PTCH1: variants seen among roughly 807,000 people sequenced by gnomAD.
PTCH1 encodes the protein protein patched homolog 1.
A neutral mutation model predicts 144.6 loss-of-function variants in PTCH1; 14 were observed. That is an observed-to-expected ratio of 0.10 (90% CI 0.06 to 0.15). PTCH1 has a LOEUF of 0.15. Among genes scored for constraint, PTCH1 ranks in the 10% least tolerant of loss-of-function variants. PTCH1 has a pLI of 1.00. For missense variants in PTCH1, 1,623 were observed against 1,948.3 expected (o/e 0.83, Z 3.14); for synonymous variants, 833 against 793.6 (o/e 1.05, Z -0.83).
chr9:95,503,043 C>T (rs1418689353), intron 2 of PTCH1, among the ~76,000 whole-genome samples: 1 of 152,210 alleles, frequency 6.6e-6, no homozygotes, highest in Admixed American at 6.5e-5. Context: ...TATCCCTCAG[C>T]ATCCCTCTCC....
Position 95,479,037 on chromosome 9 carries a change from G to A in PTCH1, c.1178C>T (p.Ala393Val), listed in dbSNP as rs202020837. ...SHINWNEDKA[A>V]AILEAWQRTY... ...CCTCTGCCAGGCCTCCAGGATGGCT[G>A]CCGCTTTGTCCTCGTTCCAGTTGAT... Residue 393 changes from alanine (A) to valine (V), a missense_variant, in exon 8 of 24, where the codon GCA becomes GTA. Transcript: ENST00000331920. 1.9e-6 allele frequency: 3 copies of A among 1,614,220 alleles called. No homozygotes were observed. Among genetic ancestry groups the A allele is most frequent in the African/African-American group, 2.7e-5 (2 of 75,056 alleles).
intron 8 of PTCH1, 137 bp from the exon 9 acceptor site, chr9:95,478,323 A>G: frequency 7.5e-7 from 1 of 1,331,698 alleles, no homozygotes; most frequent in East Asian, 2.4e-5. Context: ...ACGTGATTCC[A>G]GGGCAGGGAG....
At position 95,443,719 on chromosome 9, in the gene PTCH1, G is replaced by A. The variant is rs896450701; in HGVS notation, c.*2674C>T. Reference sequence around the variant, plus strand: ...ATAAATTCTTTAAAAATATACTTCTGTCAAAAGACTTGATGACTACTATGT... The same window carrying A: ...ATAAATTCTTTAAAAATATACTTCTATCAAAAGACTTGATGACTACTATGT... On this transcript the variant is annotated 3_prime_UTR_variant, in exon 24 of 24. Transcript: ENST00000331920. 3.3e-5 allele frequency: 5 copies of A among 152,504 alleles called. No individual in the cohort carries two copies. The highest frequency in any genetic ancestry group is 1.2e-4 in the African/African-American group (5 of 41,394). 9.4% of individuals were successfully genotyped at this position (152,504 alleles called of 1,614,324 possible). A position where few individuals can be genotyped will look rare whatever the true frequency, so the allele number is the denominator to read the frequency against.
chr9:95,486,037 A>C (rs1472257100), intron 2 of PTCH1, among the ~76,000 whole-genome samples, 163 bp from the exon 3 acceptor site: 1 of 152,206 alleles, frequency 6.6e-6, no homozygotes, highest in African/African-American at 2.4e-5. Context: ...GGCAATGTTA[A>C]CTTCACCAAT....
chr9:95,463,377 G>A (rs1042570213), intron 15 of PTCH1, among the ~76,000 whole-genome samples: 1 of 152,088 alleles, frequency 6.6e-6, no homozygotes, highest in African/African-American at 2.4e-5. Context: ...GAGGGGAGAC[G>A]GGACAGGAGA....
intron 1 of PTCH1, among the ~76,000 whole-genome samples, chr9:95,516,269 C>T (rs1176529741): frequency 6.8e-6 from 1 of 146,726 alleles, no homozygotes; most frequent in Non-Finnish European, 1.5e-5. Context: ...GGCGCGGGAC[C>T]CGCGCTCCCG....
chr9:95,463,133 T>A (rs933224828), intron 15 of PTCH1, among the ~76,000 whole-genome samples: 2 of 151,906 alleles, frequency 1.3e-5, no homozygotes, highest in Admixed American at 6.5e-5. Flanking sequence ...AGCGTTTATT[T>A]CATTTCGGGA....
intron 15 of PTCH1, among the ~76,000 whole-genome samples, chr9:95,465,230 T>C (rs1839895974): frequency 6.6e-6 from 1 of 152,146 alleles, no homozygotes; most frequent in African/African-American, 2.4e-5. Context: ...CTGCCTAACA[T>C]GCCACATTGA....
rs1805154 is a variant in PTCH1, at chr9:95,481,960, T to C, written c.735A>G (p.Thr245=). 48,728 of 1,610,610 alleles carry C rather than the reference T, an allele frequency of 0.03. 953 individuals are homozygous for C. The highest frequency in any genetic ancestry group is 0.036 in the Non-Finnish European group (42,593 of 1,176,760). The part of the protein sequence containing the change: ...FWEGAKLQSG[T]AYLLGKPPLR... ...GATCACACACTTACAGGAGGTATGC[T>C]GTCCCAGACTGTAATTTCGCCCCTT... The change falls in exon 5 of 24, where the codon ACA becomes ACG. Residue 245 remains threonine (T), a synonymous_variant. Transcript: ENST00000331920.
At chr9:95,464,566 T>C (rs896419168) in intron 15 of PTCH1, among the ~76,000 whole-genome samples, 1 of 152,188 alleles carries the variant, frequency 6.6e-6, no homozygotes, top group Non-Finnish European at 1.5e-5. Flanking sequence ...CAGTGTGAAA[T>C]AAAAATGAAC....
chr9:95,474,198 C>A, intron 12 of PTCH1: 2 of 364,946 alleles, frequency 5.5e-6, no homozygotes, highest in East Asian at 7.5e-5. Context: ...GGAGTATGAG[C>A]AGATACAGAA....
In PTCH1 at chr9:95,482,130, A is replaced by G. The variant is rs758839801; in HGVS notation, c.654+4T>C. On this transcript the variant is annotated splice_donor_region_variant and intron_variant, in intron 4 of 23. Coordinates refer to ENST00000331920, the MANE Select transcript of PTCH1 (RefSeq NM_000264.5). ...AAATTTTTGCCAACAAGAAGAAAAT[A>G]TACCTGATCCATGTAACCTGTTTCT... is the stretch of plus-strand genomic sequence containing the variant. The G allele has an allele frequency of 5.6e-6, 9 of 1,614,096 alleles. No homozygotes were observed. Among genetic ancestry groups the G allele is most frequent in the Non-Finnish European group, 7.6e-6 (9 of 1,179,932 alleles).
chr9:95,502,952 G>A (rs1269531049), intron 2 of PTCH1, among the ~76,000 whole-genome samples: 1 of 152,114 alleles, frequency 6.6e-6, no homozygotes, highest in Non-Finnish European at 1.5e-5. Context: ...GCAGATAGGA[G>A]GATATGCAGA....
At position 95,509,190 on chromosome 9, in the gene PTCH1, A is replaced by G. The variant is rs890604230; in HGVS notation, c.-829T>C. ...AGCGGCCGCAGCAGCTCCTTGATTC[A>G]ATAGATGAGATGGAAGAAGAAAAAA... On this transcript the variant is annotated 5_prime_UTR_variant, in exon 1 of 24. Transcript: ENST00000331920. Among the ~76,000 whole-genome samples, 2 of 151,466 alleles carry G rather than the reference A, an allele frequency of 1.3e-5. No homozygotes were observed. Among genetic ancestry groups the G allele is most frequent in the South Asian group, 2.1e-4 (1 of 4,782 alleles).
chr9:95,449,594 C>T lies in PTCH1; in HGVS notation c.3549+247G>A. On this transcript the variant is annotated intron_variant, in intron 21 of 23. Transcript: ENST00000331920. This position sits in a 1 kb window ranked among gnomAD's most constrained non-coding sequence, Gnocchi z 5.3. ...CAATTATGCATCTCAAGGGGAAAGT[C>T]TTCATTTACTGTATAAAGATCTGTA... The T allele has an allele frequency of 1.6e-6, 1 of 636,598 alleles. No individual in the cohort carries two copies. The highest frequency in any genetic ancestry group is 2.7e-6 in the Non-Finnish European group (1 of 367,026). The allele number at this position is 636,598 out of a possible 1,614,324, so 39.4% of individuals were successfully genotyped here.
At chr9:95,494,114 C>T (rs1842631340) in intron 2 of PTCH1, 1 of 762,096 alleles carries the variant, frequency 1.3e-6, no homozygotes, top group Non-Finnish European at 1.6e-6. Flanking sequence ...GCAGGCTGGG[C>T]GCAGGTAGTG....
In PTCH1 at chr9:95,456,328, A is replaced by G. The variant is rs762179580; in HGVS notation, c.3254T>C (p.Ile1085Thr). 6.2e-7 allele frequency: 1 copy of G among 1,614,072 alleles called. No homozygotes were observed. The highest frequency in any genetic ancestry group is 8.5e-7 in the Non-Finnish European group (1 of 1,180,034). Residue 1085 changes from isoleucine to threonine, a missense_variant, in exon 19 of 24, where the codon ATC becomes ACC. Ile to Thr is a moderately conservative substitution (Grantham distance 89). Transcript: ENST00000331920. Reference protein sequence around the residue: ...GIKLSAVPVVILIASVGIGVE... With the variant: ...GIKLSAVPVVTLIASVGIGVE... ...TCCTATGCCAACAGAAGCGATCAGG[A>G]TGACCACGGGCACGGCACTGAGCTT... is the stretch of plus-strand genomic sequence containing the variant.
At chr9:95,463,094 G>T (rs1839671132) in intron 15 of PTCH1, among the ~76,000 whole-genome samples, 1 of 151,030 alleles carries the variant, frequency 6.6e-6, no homozygotes, top group African/African-American at 2.4e-5. Context: ...GTACATGTAT[G>T]GGTTGGACAC....
chr9:95,476,717 C>G lies in PTCH1; in HGVS notation c.1602+42G>C, dbSNP rs1018017963. ...GACAAATACTTAGGAACAGAGGAAG[C>G]TGTGATGTCCCCAAAGCTCTCTTCT... On this transcript the variant is annotated intron_variant, in intron 11 of 23. Coordinates refer to ENST00000331920, the MANE Select transcript of PTCH1 (RefSeq NM_000264.5). The surrounding 1 kb of genome is among the most constrained non-coding windows in gnomAD (Gnocchi z 4.6). 1 of 1,556,926 alleles carries G rather than the reference C, an allele frequency of 6.4e-7. No homozygotes were observed.
Sources: gnomAD v4.1 joint callset for allele counts (sites outside exome capture counted in the v4.1 genomes callset) on GRCh38, gnomAD v4.1.1 for gene constraint, Gnocchi (gnomAD v3.1) non-coding constraint, MANE v1.5 for transcripts, NCBI Gene and HGNC (gene_info 2026-07-23, HGNC 2026-07-21) for gene names.